The following ALK variants were observed in gnomAD, a reference collection of about 807,000 sequenced individuals.
ALK encodes the protein ALK tyrosine kinase receptor.
In ALK, 74 loss-of-function variants were observed where a neutral mutation model predicts 163.1. The observed-to-expected ratio is 0.45, with a 90% CI of 0.38 to 0.55. The LOEUF is 0.55. Ranked by LOEUF, ALK falls within the 20% of genes least tolerant of loss-of-function variation. ALK has a pLI of 0.00. For missense variants in ALK, 2,063 were observed against 2,105.3 expected, an observed-to-expected ratio of 0.98 and a Z score of 0.39; for synonymous variants, 960 against 843.2, an observed-to-expected ratio of 1.14 and a Z score of -2.40.
At chr2:29,553,007 G>C (rs369166047) in intron 3 of ALK, among the ~76,000 whole-genome samples, 42 of 152,236 alleles carry the variant, frequency 2.8e-4, no homozygotes, top group African/African-American at 9.9e-4. Flanking sequence ...TTCTCTTCCT[G>C]TTATTTCCCT....
At chr2:29,689,619 A>AG (rs1216297108) in intron 3 of ALK, among the ~76,000 whole-genome samples, 1 of 152,192 alleles carries the variant, frequency 6.6e-6, no homozygotes, top group East Asian at 1.9e-4. Context: ...ACCCAGACGC[A>AG]GGGGGAGAAA....
intron 2 of ALK, among the ~76,000 whole-genome samples, chr2:29,711,730 GAATA>G (rs904792864): frequency 5.9e-5 from 9 of 152,090 alleles, no homozygotes; most frequent in Non-Finnish European, 1.5e-5. Context: ...ACGGGAAAAA[GAATA>G]AATGAAAAGG....
At chr2:29,367,654 C>A (rs989633114) in intron 5 of ALK, among the ~76,000 whole-genome samples, 1 of 152,172 alleles carries the variant, frequency 6.6e-6, no homozygotes. Flanking sequence ...TTGATCAGCT[C>A]CCTGAGTAGT....
At chr2:29,906,890 G>A (rs1230777135) in intron 1 of ALK, among the ~76,000 whole-genome samples, 2 of 148,042 alleles carry the variant, frequency 1.4e-5, no homozygotes, top group Non-Finnish European at 3.0e-5. Context: ...GGAAGCCTTG[G>A]AAAATAGTGA....
intron 4 of ALK, among the ~76,000 whole-genome samples, chr2:29,451,195 T>C (rs927402073): frequency 4.6e-5 from 7 of 152,186 alleles, no homozygotes; most frequent in Non-Finnish European, 7.3e-5. Context: ...GAAAAATAGA[T>C]GCTGGAAGAG....
chr2:29,523,213 G>A (rs1672861518), intron 4 of ALK, among the ~76,000 whole-genome samples: 1 of 152,168 alleles, frequency 6.6e-6, no homozygotes, highest in Non-Finnish European at 1.5e-5. Context: ...CACTCTCTGT[G>A]TGGAATGTCT....
intron 5 of ALK, among the ~76,000 whole-genome samples, chr2:29,343,525 T>C (rs1667862663): frequency 6.6e-6 from 1 of 152,180 alleles, no homozygotes; most frequent in South Asian, 2.1e-4. Context: ...ACCTGAGTGA[T>C]CTTAAACCTG....
At chr2:29,468,853 C>CAAAAAAAA (rs70958265) in intron 4 of ALK, among the ~76,000 whole-genome samples, 1 of 30,918 alleles carries the variant, frequency 3.2e-5, no homozygotes, top group African/African-American at 1.3e-4. Context: ...GACCCTGCCT[C>CAAAAAAAA]AAAAAAAAAA....
chr2:29,251,045 G>A (rs1664801100), intron 12 of ALK, 60 bp downstream of exon 12: 7 of 1,570,380 alleles, frequency 4.5e-6, no homozygotes, highest in Non-Finnish European at 4.3e-6. Flanking sequence ...CCATAGGCAA[G>A]ACTCCAGGCT....
At position 29,318,375 on chromosome 2, in the gene ALK, C is replaced by T. The variant is rs749779880; in HGVS notation, c.1576G>A (p.Val526Ile). 6.2e-7 allele frequency: 1 copy of T among 1,613,684 alleles called. No homozygotes were observed. Among genetic ancestry groups the T allele is most frequent in the Admixed American group, 1.7e-5 (1 of 59,986 alleles). Residue 526 changes from valine to isoleucine, a missense_variant, in exon 8 of 29, where the codon GTC (valine) becomes ATC (isoleucine). By Grantham distance (29) the Val-to-Ile change is conservative. Transcript: ENST00000389048. ...ACTGTAGCACTTTCAGAAGCGGGGA[C>T]ATCAGTGGTACTGAGCAATAGAGCA... ...DHALLLSTTD[V>I]PASESATVTS...
intron 9 of ALK, among the ~76,000 whole-genome samples, chr2:29,289,559 C>T (rs1665963534): frequency 6.6e-6 from 1 of 152,170 alleles, no homozygotes; most frequent in Non-Finnish European, 1.5e-5. Flanking sequence ...GAGTAGAGAG[C>T]ACCTTTTATT....
intron 5 of ALK, among the ~76,000 whole-genome samples, chr2:29,356,628 T>C (rs1400754659): frequency 6.6e-6 from 1 of 152,154 alleles, no homozygotes; most frequent in African/African-American, 2.4e-5. Context: ...TAAATAAGTA[T>C]CTTTCAGAAA....
At chr2:29,542,597 C>T (rs1289200273) in intron 3 of ALK, among the ~76,000 whole-genome samples, 1 of 152,138 alleles carries the variant, frequency 6.6e-6, no homozygotes, top group East Asian at 1.9e-4. Flanking sequence ...CTAGTTTCAG[C>T]GTTTTCTAGT....
Position 29,334,896 on chromosome 2 carries a change from G to GT in ALK, c.1283-6416dup, listed in dbSNP as rs1390906590. On this transcript the variant is annotated intron_variant, in intron 5 of 28. Coordinates refer to ENST00000389048, the MANE Select transcript of ALK (RefSeq NM_004304.5). The stretch of plus-strand genomic sequence containing the variant: ...ACAACGCTCTGTCTTCTCAAGTTCT[G>GT]TTTTTTATGGGGCCCATAAATTCCA... Among the ~76,000 whole-genome samples the GT allele has an allele frequency of 2.6e-5, 4 of 152,274 alleles. No individual in the cohort carries two copies. The East Asian group carries it at 7.7e-4, about 29-fold the overall frequency.
chr2:29,208,913 G>GAA (rs113318152), intron 25 of ALK, among the ~76,000 whole-genome samples: 4 of 146,764 alleles, frequency 2.7e-5, no homozygotes, highest in African/African-American at 1.0e-4. Context: ...TTTTAAAACT[G>GAA]AAAAAAAAAA....
At chr2:29,727,251 G>T (rs1022439161) in intron 1 of ALK, among the ~76,000 whole-genome samples, 1 of 152,190 alleles carries the variant, frequency 6.6e-6, no homozygotes, top group Non-Finnish European at 1.5e-5. Context: ...AGGGTGAGGG[G>T]AAGAAGAGGG....
At chr2:29,855,415 G>C (rs1003885094) in intron 1 of ALK, among the ~76,000 whole-genome samples, 2 of 152,082 alleles carry the variant, frequency 1.3e-5, no homozygotes, top group Non-Finnish European at 2.9e-5. Context: ...TTTCTTGGGG[G>C]TGACACAGGA....
intron 1 of ALK, among the ~76,000 whole-genome samples, chr2:29,919,617 A>G (rs1667930725): frequency 6.6e-6 from 1 of 152,188 alleles, no homozygotes. Flanking sequence ...GAGAAGGGCA[A>G]TAGTTTTGAC....
intron 4 of ALK, among the ~76,000 whole-genome samples, chr2:29,530,473 T>C (rs1673093113): frequency 6.6e-6 from 1 of 152,140 alleles, no homozygotes; most frequent in African/African-American, 2.4e-5. Context: ...AGCACCACAA[T>C]GGACTGATGC....
Sources: allele counts gnomAD v4.1 joint callset (sites outside exome capture counted in the v4.1 genomes callset), GRCh38; gene constraint gnomAD v4.1.1; transcripts MANE v1.5; gene names NCBI Gene and HGNC (gene_info 2026-07-23, HGNC 2026-07-21).